The following DYNC1I1 variants were observed in gnomAD, a reference collection of about 807,000 sequenced individuals.
DYNC1I1 encodes dynein cytoplasmic 1 intermediate chain 1, also known as cytoplasmic dynein 1 intermediate chain 1.
In DYNC1I1, 43 loss-of-function variants were observed where a neutral mutation model predicts 86.6. The observed-to-expected ratio is 0.50, with a 90% CI of 0.39 to 0.64. The LOEUF (loss-of-function observed/expected upper bound fraction) is 0.64. Among genes scored for constraint, DYNC1I1 ranks in the 30% least tolerant of loss-of-function variants. The pLI, the probability that DYNC1I1 is intolerant of heterozygous loss-of-function variation, is 0.00. For missense variants in DYNC1I1, 604 were observed against 788.8 expected (o/e 0.77, Z 2.81); for synonymous variants, 262 against 283.7 (o/e 0.92, Z 0.77).
chr7:95,799,151 G>A (rs899091322), intron 1 of DYNC1I1, among the ~76,000 whole-genome samples: 1 of 152,154 alleles, frequency 6.6e-6, no homozygotes, highest in Admixed American at 6.5e-5. Flanking sequence ...GCCCAGGTAG[G>A]AGGATTACCT....
intron 6 of DYNC1I1, among the ~76,000 whole-genome samples, chr7:95,972,599 T>C (rs1018478507): frequency 6.6e-6 from 1 of 152,140 alleles, no homozygotes; most frequent in African/African-American, 2.4e-5. Context: ...TATACTGTAT[T>C]GCCAAACACT....
intron 4 of DYNC1I1, among the ~76,000 whole-genome samples, chr7:95,817,542 A>G (rs1200321217): frequency 6.6e-6 from 1 of 152,228 alleles, no homozygotes; most frequent in East Asian, 1.9e-4. Context: ...AGCAATTATT[A>G]TAATTTTTTC....
At chr7:96,101,278 A>C (rs117848109), downstream of DYNC1I1, among the ~76,000 whole-genome samples, 1 of 152,196 alleles carries the variant, frequency 6.6e-6, no homozygotes, top group Non-Finnish European at 1.5e-5. Context: ...GACCAAAAAC[A>C]TAGAGCAAGA....
chr7:96,033,750 T>G (rs996614010), intron 12 of DYNC1I1, among the ~76,000 whole-genome samples: 1 of 152,092 alleles, frequency 6.6e-6, no homozygotes, highest in Non-Finnish European at 1.5e-5. Flanking sequence ...TGGCTCACAC[T>G]TGTAATCCCA....
At chr7:95,998,358 C>G (rs1226357057) in intron 10 of DYNC1I1, among the ~76,000 whole-genome samples, 2 of 152,214 alleles carry the variant, frequency 1.3e-5, no homozygotes, top group African/African-American at 2.4e-5. Context: ...TTTTTGGCCA[C>G]CTACCCTTAT....
intron 6 of DYNC1I1, among the ~76,000 whole-genome samples, chr7:95,960,593 C>T (rs998871823): frequency 2.6e-5 from 4 of 152,070 alleles, no homozygotes; most frequent in Admixed American, 6.6e-5. Flanking sequence ...TGTCTACTTC[C>T]GAGTAAAAGA....
At chr7:95,785,805 A>G (rs1213093570) in intron 1 of DYNC1I1, among the ~76,000 whole-genome samples, 3 of 109,994 alleles carry the variant, frequency 2.7e-5, no homozygotes, top group South Asian at 3.3e-4. Context: ...ATATATATAT[A>G]TATATATATA....
intron 16 of DYNC1I1, among the ~76,000 whole-genome samples, chr7:96,096,430 C>T (rs1418102600): frequency 2.6e-5 from 4 of 151,968 alleles, no homozygotes; most frequent in African/African-American, 7.3e-5. Context: ...TATATTATAG[C>T]GTAAAACTCC....
At chr7:96,062,054 T>C (rs1789796738) in intron 14 of DYNC1I1, among the ~76,000 whole-genome samples, 2 of 152,198 alleles carry the variant, frequency 1.3e-5, no homozygotes, top group East Asian at 1.9e-4. Context: ...CAAGTGGACT[T>C]GAGAGAGAGG....
intron 1 of DYNC1I1, among the ~76,000 whole-genome samples, chr7:95,777,158 A>G (rs115860676): frequency 5.2e-4 from 79 of 152,316 alleles, no homozygotes; most frequent in African/African-American, 1.9e-3. Context: ...TGATAGGAAA[A>G]GCCTAAAATA....
chr7:95,915,148 G>A (rs1218448667), intron 6 of DYNC1I1, among the ~76,000 whole-genome samples: 1 of 152,178 alleles, frequency 6.6e-6, no homozygotes, highest in Non-Finnish European at 1.5e-5. Flanking sequence ...TTCAGAAAGC[G>A]TGACATTTTT....
chr7:95,871,534 G>A (rs543159055), intron 6 of DYNC1I1, among the ~76,000 whole-genome samples: 1 of 152,284 alleles, frequency 6.6e-6, no homozygotes, highest in South Asian at 2.1e-4. Context: ...GCTGTAGCTG[G>A]AGGCATGTTT....
chr7:95,959,307 G>C (rs1169887790), intron 6 of DYNC1I1, among the ~76,000 whole-genome samples: 1 of 152,188 alleles, frequency 6.6e-6, no homozygotes. Context: ...GGGCCTTTTA[G>C]CAACTTCTTC....
At chr7:95,774,763 C>T (rs1472507924) in intron 1 of DYNC1I1, among the ~76,000 whole-genome samples, 1 of 152,164 alleles carries the variant, frequency 6.6e-6, no homozygotes, top group African/African-American at 2.4e-5. Context: ...AGCCTGGGTG[C>T]TGCTCTGTCC....
intron 2 of DYNC1I1, 63 bp downstream of exon 2, chr7:95,804,900 G>A: frequency 2.0e-6 from 3 of 1,509,818 alleles, no homozygotes; most frequent in South Asian, 1.3e-5. Context: ...CTGAGGGGCT[G>A]GTCAAATGGA....
At chr7:96,039,830 A>G (rs966042861) in intron 14 of DYNC1I1, among the ~76,000 whole-genome samples, 1 of 152,002 alleles carries the variant, frequency 6.6e-6, no homozygotes, top group African/African-American at 2.4e-5. Flanking sequence ...ATGGAAATAT[A>G]TGATTTGGGA....
chr7:95,848,299 A>G (rs1258230445), intron 5 of DYNC1I1, among the ~76,000 whole-genome samples: 1 of 151,370 alleles, frequency 6.6e-6, no homozygotes, highest in Non-Finnish European at 1.5e-5. Context: ...TATTACCTAT[A>G]GTCATCATGT....
intron 12 of DYNC1I1, among the ~76,000 whole-genome samples, chr7:96,033,054 AGTT>A (rs1794849550): frequency 6.6e-6 from 1 of 152,252 alleles, no homozygotes; most frequent in African/African-American, 2.4e-5. Flanking sequence ...TAATTATGGA[AGTT>A]GCCTATGGTA....
intron 5 of DYNC1I1, among the ~76,000 whole-genome samples, chr7:95,834,688 G>A (rs1562913546): frequency 1.6e-5 from 2 of 126,186 alleles, no homozygotes; most frequent in Non-Finnish European, 3.3e-5. Context: ...CTTCTTCCTG[G>A]TTTAGTCTTG....
Sources: gnomAD v4.1 joint callset for allele counts (sites outside exome capture counted in the v4.1 genomes callset) on GRCh38, gnomAD v4.1.1 for gene constraint, MANE v1.5 for transcripts, NCBI Gene and HGNC (gene_info 2026-07-23, HGNC 2026-07-21) for gene names.